DCDC1: variants seen among roughly 807,000 people sequenced by gnomAD.
The protein encoded by DCDC1 is doublecortin domain containing 1.
Under a neutral mutation model 178.3 loss-of-function variants are expected in DCDC1, and 200 were observed. The observed-to-expected ratio is 1.12, with a 90% CI of 1.00 to 1.26. The LOEUF is 1.26. DCDC1 is among the 50% of genes most tolerant of loss of function. The pLI is 0.00. For missense variants in DCDC1, 1,983 were observed against 1,749.2 expected, an observed-to-expected ratio of 1.13 and a Z score of -2.38; for synonymous variants, 690 against 604.8, an observed-to-expected ratio of 1.14 and a Z score of -2.07.
chr11:31,001,126 C>A (rs997968541), intron 20 of DCDC1, among the ~76,000 whole-genome samples: 1 of 152,112 alleles, frequency 6.6e-6, no homozygotes, highest in African/African-American at 2.4e-5. Context: ...TAAGAAAGAG[C>A]TCCTCTTGTT....
At chr11:31,015,280 A>G (rs974006423) in intron 20 of DCDC1, among the ~76,000 whole-genome samples, 2 of 152,086 alleles carry the variant, frequency 1.3e-5, no homozygotes, top group African/African-American at 2.4e-5. Context: ...TATTAGCTAT[A>G]TTTAGGATTA....
chr11:31,298,199 T>G (rs1947838503), intron 6 of DCDC1, among the ~76,000 whole-genome samples: 1 of 152,334 alleles, frequency 6.6e-6, no homozygotes, highest in East Asian at 1.9e-4. Context: ...CCCTTTGGAC[T>G]GTTCTTGAAT....
intron 29 of DCDC1, among the ~76,000 whole-genome samples, chr11:30,908,733 C>A (rs932782846): frequency 2.0e-5 from 3 of 152,064 alleles, no homozygotes; most frequent in Non-Finnish European, 4.4e-5. Flanking sequence ...ATTTTAAGTA[C>A]ATTAGATTAA....
At position 31,306,313 on chromosome 11, in the gene DCDC1, T is replaced by C. The variant is rs1948456131; in HGVS notation, c.510A>G (p.Gln170=). ...AAGCTGTTACTTTAATCACTCTTGG[T>C]TGAAGTTTGTGTCTTTGAGACAATT... ...WQKLSQRHKL[Q]PRVIKVTAYK... is the part of the protein sequence containing the mutation. Residue 170 remains glutamine (Q), a synonymous_variant, in exon 5 of 39, where the codon CAA becomes CAG. Transcript: ENST00000684477. 2 of 1,611,332 alleles carry C rather than the reference T, an allele frequency of 1.2e-6. No individual in the cohort carries two copies. Among genetic ancestry groups the C allele is most frequent in the Non-Finnish European group, 1.7e-6 (2 of 1,178,618 alleles).
chr11:30,984,842 AT>A (rs1395575578), intron 20 of DCDC1, among the ~76,000 whole-genome samples: 1 of 152,204 alleles, frequency 6.6e-6, no homozygotes, highest in African/African-American at 2.4e-5. Context: ...GTGCTGATAC[AT>A]TTGGAAACAA....
At chr11:31,341,592 C>A (rs959845252) in intron 1 of DCDC1, among the ~76,000 whole-genome samples, 6 of 152,110 alleles carry the variant, frequency 3.9e-5, no homozygotes, top group African/African-American at 1.4e-4. Context: ...GGCTACAAAC[C>A]TGTACAGCAT....
chr11:31,159,238 T>G (rs751125603), intron 9 of DCDC1, among the ~76,000 whole-genome samples: 1 of 152,228 alleles, frequency 6.6e-6, no homozygotes, highest in Non-Finnish European at 1.5e-5. Context: ...AACAAAAGTC[T>G]GAATTGATAG....
intron 20 of DCDC1, among the ~76,000 whole-genome samples, chr11:30,990,917 G>T (rs1323231478): frequency 6.6e-6 from 1 of 152,192 alleles, no homozygotes; most frequent in Admixed American, 6.5e-5. Flanking sequence ...TTCCAGGCCA[G>T]TAGCCTTGAA....
intron 13 of DCDC1, among the ~76,000 whole-genome samples, chr11:31,105,836 T>C (rs1247801147): frequency 6.6e-6 from 1 of 152,214 alleles, no homozygotes; most frequent in Non-Finnish European, 1.5e-5. Context: ...GCAAATCCAA[T>C]AGCCCTTGCT....
intron 27 of DCDC1, among the ~76,000 whole-genome samples, chr11:30,912,417 G>C (rs1945506275): frequency 6.6e-6 from 1 of 152,038 alleles, no homozygotes; most frequent in Non-Finnish European, 1.5e-5. Flanking sequence ...CCGAGTAGCT[G>C]GTACTACAGG....
At chr11:30,905,196 C>G (rs1474134038) in intron 30 of DCDC1, 32 bp from the exon 31 acceptor site, 1 of 1,544,226 alleles carries the variant, frequency 6.5e-7, no homozygotes, top group Admixed American at 2.0e-5. Flanking sequence ...TGTACATTTA[C>G]TCAAACTTTC....
In DCDC1 at chr11:30,978,151, TA is replaced by T. The variant is rs78664806; in HGVS notation, c.2592-25584del. Among the ~76,000 whole-genome samples, 173 of 152,330 alleles carry T rather than the reference TA, an allele frequency of 1.1e-3. 3 individuals are homozygous for T. In the East Asian group the frequency reaches 0.031, roughly 27 times the overall value. On this transcript the variant is annotated intron_variant, in intron 20 of 38. Coordinates refer to ENST00000684477, the MANE Select transcript of DCDC1 (RefSeq NM_001387274.1). The stretch of plus-strand genomic sequence containing the variant: ...GTGATAAAAATAGAAAGAAGTTCTC[TA>T]AAAGTTATGTGGCTATCCACGCCAA...
intron 6 of DCDC1, among the ~76,000 whole-genome samples, chr11:31,291,458 T>G (rs566325972): frequency 2.6e-5 from 4 of 152,094 alleles, no homozygotes; most frequent in Non-Finnish European, 4.4e-5. Flanking sequence ...CTATACATTT[T>G]CAAAGCTGTG....
rs1482285128 is a variant in DCDC1, at chr11:30,920,792, C to A, written c.3277G>T (p.Ala1093Ser). The A allele has an allele frequency of 4.3e-6, 7 of 1,613,448 alleles. No individual in the cohort carries two copies. The African/African-American group carries it at 8.0e-5, about 18-fold the overall frequency. Residue 1093 changes from alanine (A) to serine (S), a missense_variant, in exon 25 of 39, where the codon GCT (alanine) becomes TCT (serine). Ala to Ser is a moderately conservative substitution (Grantham distance 99, BLOSUM62 1). Coordinates refer to ENST00000684477, the MANE Select transcript of DCDC1 (RefSeq NM_001387274.1). ...ATTACTTACAGAATTTCACTGGAAGCATTTTCCGTTGTTAGAGGATCTTCT... is the reference window on the plus strand; with the variant it reads ...ATTACTTACAGAATTTCACTGGAAGAATTTTCCGTTGTTAGAGGATCTTCT... The part of the protein sequence containing the change: ...MQEDPLTTEN[A>S]SSEILDSHVR...
intron 20 of DCDC1, among the ~76,000 whole-genome samples, chr11:31,014,990 C>T (rs529921497): frequency 2.8e-4 from 42 of 151,482 alleles, no homozygotes; most frequent in Admixed American, 1.9e-3. Context: ...CTCTGTCGCC[C>T]GGGCTGGATT....
Position 30,921,360 on chromosome 11 carries a change from T to A in DCDC1, c.3134-425A>T, listed in dbSNP as rs563714825. 4.6e-5 allele frequency among the ~76,000 whole-genome samples: 7 copies of A among 152,316 alleles called. 1 individual carries two copies. The East Asian group carries it at 1.3e-3, about 29-fold the overall frequency. ...CAATGTTTTAAATTATACTAATTTT[T>A]TTTCTTTTTCTTTTCTCTATATGGA... On this transcript the variant is annotated intron_variant, in intron 24 of 38. Transcript: ENST00000684477.
At chr11:31,224,887 G>C (rs189584711) in intron 9 of DCDC1, among the ~76,000 whole-genome samples, 8 of 152,222 alleles carry the variant, frequency 5.3e-5, no homozygotes, top group African/African-American at 7.2e-5. Flanking sequence ...GTGGCAAAAA[G>C]AGATGTACCA....
chr11:31,127,458 AC>A lies in DCDC1; in HGVS notation c.1485+10del. The stretch of plus-strand genomic sequence containing the variant: ...GGCTGAATCCAATGAGAGGCACAGA[AC>A]GACACCCACCTTAAGCTGCAGGCCT... On this transcript the variant is annotated intron_variant, in intron 11 of 38. Coordinates refer to ENST00000684477, the MANE Select transcript of DCDC1 (RefSeq NM_001387274.1). 1.4e-6 allele frequency: 1 copy of A among 701,738 alleles called. No homozygotes were observed. Among genetic ancestry groups the A allele is most frequent in the Non-Finnish European group, 2.6e-6 (1 of 384,202 alleles). The allele number at this position is 701,738 out of a possible 1,614,324, so 43.5% of individuals were successfully genotyped here. A position where few individuals can be genotyped will look rare whatever the true frequency, so the allele number is the denominator to read the frequency against.
At position 31,226,544 on chromosome 11, in the gene DCDC1, G is replaced by A. The variant is rs986864794; in HGVS notation, c.1221+14906C>T. Among the ~76,000 whole-genome samples the A allele has an allele frequency of 5.3e-5, 8 of 151,314 alleles. No homozygotes were observed. In the South Asian group the frequency reaches 1.7e-3, roughly 31 times the overall value. ...ATTCTTAAAAGCAATAAAAGAAAAA[G>A]TCATTACATAAAGATGTACTAAGGT... On this transcript the variant is annotated intron_variant, in intron 9 of 38. Transcript: ENST00000684477.
Sources: gnomAD v4.1 joint callset for allele counts (sites outside exome capture counted in the v4.1 genomes callset) on GRCh38, gnomAD v4.1.1 for gene constraint, MANE v1.5 for transcripts, NCBI Gene and HGNC (gene_info 2026-07-23, HGNC 2026-07-21) for gene names.